BBX: variants seen among roughly 807,000 people sequenced by gnomAD.
BBX encodes the protein HMG box transcription factor BBX.
In BBX, 30 loss-of-function variants were observed where a neutral mutation model predicts 100.2. The ratio of observed to expected loss-of-function variants is 0.30; its 90% confidence interval spans 0.22 to 0.41. The LOEUF is 0.41. Among genes scored for constraint, BBX ranks in the 10% least tolerant of loss-of-function variants. BBX has a pLI of 1.00. For missense variants in BBX, 1,023 were observed against 1,129.8 expected, an observed-to-expected ratio of 0.91 and a Z score of 1.35; for synonymous variants, 376 against 388.1, an observed-to-expected ratio of 0.97 and a Z score of 0.37.
intron 2 of BBX, among the ~76,000 whole-genome samples, chr3:107,541,879 T>C (rs1261894004): frequency 6.6e-6 from 1 of 151,908 alleles, no homozygotes; most frequent in Non-Finnish European, 1.5e-5. Flanking sequence ...AGTGCATCGG[T>C]GTGATTATAG....
chr3:107,794,977 G>A (rs570731390), intron 15 of BBX, among the ~76,000 whole-genome samples: 11 of 152,318 alleles, frequency 7.2e-5, no homozygotes, highest in Admixed American at 7.2e-4. Flanking sequence ...CGCACCAAGT[G>A]TGTTATGGTT....
chr3:107,695,450 T>C (rs1213287768), intron 3 of BBX, among the ~76,000 whole-genome samples: 1 of 138,996 alleles, frequency 7.2e-6, no homozygotes, highest in African/African-American at 2.9e-5. Flanking sequence ...CATTTCGTTA[T>C]GTACCCAGTA....
intron 3 of BBX, among the ~76,000 whole-genome samples, chr3:107,653,730 A>C (rs1440360462): frequency 6.6e-6 from 1 of 152,148 alleles, no homozygotes. Context: ...TCTGTTTTAG[A>C]GTATCGAACA....
At chr3:107,621,164 C>G (rs1289851543) in intron 2 of BBX, among the ~76,000 whole-genome samples, 3 of 152,164 alleles carry the variant, frequency 2.0e-5, no homozygotes, top group Non-Finnish European at 4.4e-5. Flanking sequence ...TCTTGCTATA[C>G]TGCTCCTTTC....
Position 107,773,347 on chromosome 3 carries a change from A to C in BBX, c.1626A>C (p.Lys542Asn), listed in dbSNP as rs757274152. 6.2e-7 allele frequency: 1 copy of C among 1,614,114 alleles called. No individual in the cohort carries two copies. The highest frequency in any genetic ancestry group is 8.5e-7 in the Non-Finnish European group (1 of 1,180,000). Residue 542 changes from lysine to asparagine, a missense_variant, in exon 11 of 18, where the codon AAA (lysine) becomes AAC (asparagine). Transcript: ENST00000325805. The surrounding 1 kb of genome is among the most constrained non-coding windows in gnomAD (Gnocchi z 4.1). ...KSREKKMSKEKSSDTTKESRP... is the reference protein window; with the variant it reads ...KSREKKMSKENSSDTTKESRP... Reference sequence around the variant, plus strand: ...GAGAGAAGAAAATGTCAAAGGAGAAATCCTCAGACACCACCAAAGAGTCAA... The same window carrying C: ...GAGAGAAGAAAATGTCAAAGGAGAACTCCTCAGACACCACCAAAGAGTCAA...
intron 2 of BBX, among the ~76,000 whole-genome samples, chr3:107,536,548 C>G (rs576748524): frequency 6.6e-6 from 1 of 152,204 alleles, no homozygotes; most frequent in South Asian, 2.1e-4. Context: ...TCATTCCCCA[C>G]CTCCAAAAAA....
chr3:107,773,008 G>A lies in BBX; in HGVS notation c.1287G>A (p.Met429Ile). 1 of 1,614,072 alleles carries A rather than the reference G, an allele frequency of 6.2e-7. No individual in the cohort carries two copies. Among genetic ancestry groups the A allele is most frequent in the East Asian group, 2.2e-5 (1 of 44,882 alleles). ...ATGTTCCCAGTAGAAAGGATCATAT[G>A]TGCCATCCTCATGGAATTATGATCA... ...ISDVPSRKDH[M>I]CHPHGIMIIE... Residue 429 changes from methionine to isoleucine, a missense_variant, in exon 11 of 18, where the codon ATG (methionine) becomes ATA (isoleucine). By Grantham distance (10) the Met-to-Ile change is conservative. This residue lies in a region of BBX where 348 missense variants were observed against 353.2 expected (regional missense o/e 0.99). Coordinates refer to ENST00000325805, the MANE Select transcript of BBX (RefSeq NM_001142568.3). The surrounding 1 kb of genome is among the most constrained non-coding windows in gnomAD (Gnocchi z 4.1).
intron 10 of BBX, among the ~76,000 whole-genome samples, chr3:107,767,173 A>C (rs1309417290): frequency 6.6e-6 from 1 of 152,236 alleles, no homozygotes; most frequent in African/African-American, 2.4e-5. Flanking sequence ...CACATTCTGC[A>C]TATGTATCCC....
At chr3:107,557,150 T>A (rs189405367) in intron 2 of BBX, among the ~76,000 whole-genome samples, 1 of 152,374 alleles carries the variant, frequency 6.6e-6, no homozygotes, top group Non-Finnish European at 1.5e-5. Flanking sequence ...CTACATGTTT[T>A]AACATAGAAG....
chr3:107,777,012 G>A (rs2067372708), intron 12 of BBX, among the ~76,000 whole-genome samples: 1 of 152,044 alleles, frequency 6.6e-6, no homozygotes, highest in Non-Finnish European at 1.5e-5. Flanking sequence ...TTTGCTTTCT[G>A]CAGTTTTGGG....
At chr3:107,783,242 A>C (rs1457103798) in intron 13 of BBX, among the ~76,000 whole-genome samples, 1 of 151,986 alleles carries the variant, frequency 6.6e-6, no homozygotes, top group Non-Finnish European at 1.5e-5. Flanking sequence ...CGAGTTTGTC[A>C]CTTTCTTTTT....
At chr3:107,709,339 G>T (rs1234643740) in intron 3 of BBX, among the ~76,000 whole-genome samples, 1 of 152,120 alleles carries the variant, frequency 6.6e-6, no homozygotes, top group African/African-American at 2.4e-5. Flanking sequence ...TCTCTGAACG[G>T]CTTGAGAACT....
chr3:107,529,581 C>G (rs895526137), intron 2 of BBX, among the ~76,000 whole-genome samples: 1 of 152,212 alleles, frequency 6.6e-6, no homozygotes, highest in Non-Finnish European at 1.5e-5. Context: ...CTGTGACTGT[C>G]ATTCAGTCAC....
At chr3:107,693,722 C>G (rs2060358730) in intron 3 of BBX, among the ~76,000 whole-genome samples, 1 of 151,776 alleles carries the variant, frequency 6.6e-6, no homozygotes, top group Non-Finnish European at 1.5e-5. Flanking sequence ...GTGGTTCTTT[C>G]CAATTCTGTG....
At position 107,680,072 on chromosome 3, in the gene BBX, C is replaced by T. The variant is rs1218026922; in HGVS notation, c.-9-30380C>T. Among the ~76,000 whole-genome samples, 5 of 152,132 alleles carry T rather than the reference C, an allele frequency of 3.3e-5. No individual in the cohort carries two copies. In the East Asian group the frequency reaches 9.7e-4, roughly 29 times the overall value. On this transcript the variant is annotated intron_variant, in intron 3 of 17. Coordinates refer to ENST00000325805, the MANE Select transcript of BBX (RefSeq NM_001142568.3). Reference sequence around the variant, plus strand: ...TGAATGTAATTCAGGATTTCAGATACTTCCTGCTGAGCCCATAAGTGTTAC... The same window carrying T: ...TGAATGTAATTCAGGATTTCAGATATTTCCTGCTGAGCCCATAAGTGTTAC...
At chr3:107,675,301 A>G (rs908540061) in intron 3 of BBX, among the ~76,000 whole-genome samples, 2 of 152,136 alleles carry the variant, frequency 1.3e-5, no homozygotes, top group Non-Finnish European at 1.5e-5. Context: ...TAGTTTGTGA[A>G]CTTCTGTTTT....
At chr3:107,625,147 T>C (rs1354907806) in intron 2 of BBX, among the ~76,000 whole-genome samples, 1 of 152,246 alleles carries the variant, frequency 6.6e-6, no homozygotes, top group Non-Finnish European at 1.5e-5. Context: ...AGTTAGACTT[T>C]ACTGTATCTC....
At chr3:107,544,075 T>C (rs1026344368) in intron 2 of BBX, among the ~76,000 whole-genome samples, 5 of 152,204 alleles carry the variant, frequency 3.3e-5, no homozygotes, top group Admixed American at 1.3e-4. Flanking sequence ...GGAGAAAATA[T>C]CTTTTGTCCT....
rs2071019323 is a variant in BBX, at chr3:107,805,717, A to C, written c.*260A>C. 1 of 547,354 alleles carries C rather than the reference A, an allele frequency of 1.8e-6. No homozygotes were observed. The allele number at this position is 547,354 out of a possible 1,614,324, so 33.9% of individuals were successfully genotyped here. ...GATCCTGGAGCTTTGCTTTCTATTG[A>C]AGGCTTTTGACGGTAATAGGTGGTA... is the stretch of plus-strand genomic sequence containing the variant. On this transcript the variant is annotated 3_prime_UTR_variant, in exon 18 of 18. Transcript: ENST00000325805.
Sources: gnomAD v4.1 joint callset for allele counts (sites outside exome capture counted in the v4.1 genomes callset) on GRCh38, gnomAD v4.1.1 for gene constraint, gnomAD v4.1.1 regional missense constraint, Gnocchi (gnomAD v3.1) non-coding constraint, MANE v1.5 for transcripts, NCBI Gene and HGNC (gene_info 2026-07-23, HGNC 2026-07-21) for gene names.